The following SH3YL1 variants were observed in gnomAD, a reference collection of about 807,000 sequenced individuals.
SH3YL1 encodes the protein SH3 and SYLF domain containing 1.
Under a neutral mutation model 45.8 loss-of-function variants are expected in SH3YL1, and 41 were observed. That is an observed-to-expected ratio of 0.89 (90% CI 0.70 to 1.16). The LOEUF (loss-of-function observed/expected upper bound fraction) is 1.16. Ranked by LOEUF, SH3YL1 falls within the 50% of genes most tolerant of loss-of-function variation. The pLI is 0.00. For synonymous variants in SH3YL1, 152 were observed against 151.4 expected, an observed-to-expected ratio of 1.00 and a Z score of -0.03; for missense variants, 389 against 409.6, an observed-to-expected ratio of 0.95 and a Z score of 0.43.
intron 4 of SH3YL1, among the ~76,000 whole-genome samples, 162 bp downstream of exon 4, chr2:247,376 A>T (rs1668867012): frequency 6.6e-6 from 1 of 152,262 alleles, no homozygotes; most frequent in African/African-American, 2.4e-5. Flanking sequence ...GAACCATCAG[A>T]TAGCTTTAGT....
intron 2 of SH3YL1, among the ~76,000 whole-genome samples, chr2:252,261 G>A (rs889188665): frequency 2.6e-5 from 4 of 152,170 alleles, no homozygotes; most frequent in Admixed American, 6.5e-5. Flanking sequence ...GTCTTAAACC[G>A]CTAGAGAATG....
intron 1 of SH3YL1, chr2:262,263 A>C (rs1227279590): frequency 6.3e-6 from 1 of 159,944 alleles, no homozygotes; most frequent in African/African-American, 2.4e-5. Flanking sequence ...GTCAGTTCTC[A>C]AAATAAAAAC....
intron 4 of SH3YL1, among the ~76,000 whole-genome samples, chr2:244,293 G>A (rs1231740707): frequency 2.6e-5 from 4 of 151,818 alleles, no homozygotes; most frequent in Non-Finnish European, 1.5e-5. Flanking sequence ...TCAGGAGATC[G>A]AGACTATCCT....
At chr2:242,813 A>G (rs1445495263) in intron 4 of SH3YL1, 2 of 1,535,038 alleles carry the variant, frequency 1.3e-6, no homozygotes, top group Admixed American at 2.1e-5. Context: ...GATTGACAGT[A>G]AAAGGATGGA....
intron 1 of SH3YL1, chr2:261,051 T>A (rs915030170): frequency 6.6e-6 from 1 of 152,236 alleles, no homozygotes; most frequent in Non-Finnish European, 1.5e-5. Flanking sequence ...GTGTGTCAGC[T>A]GAACTACAGA....
chr2:233,345 G>C (rs920110439), intron 5 of SH3YL1, 116 bp from the exon 6 acceptor site: 20 of 1,154,684 alleles, frequency 1.7e-5, no homozygotes, highest in Non-Finnish European at 2.2e-5. Context: ...ACCTTCTTCA[G>C]CTGTTTCTAT....
chr2:218,841 A>T lies in SH3YL1; in HGVS notation c.999T>A (p.Ile333=). 6.2e-7 allele frequency: 1 copy of T among 1,613,912 alleles called. No homozygotes were observed. Among genetic ancestry groups the T allele is most frequent in the East Asian group, 2.2e-5 (1 of 44,874 alleles). Reference sequence around the variant, plus strand: ...TCATGGTTACGTAGTTGGCTGGAAAAATGCCAGTTTGACCTCGAAGTTTTC... The same window carrying T: ...TCATGGTTACGTAGTTGGCTGGAAATATGCCAGTTTGACCTCGAAGTTTTC... ...WEGKLRGQTG[I]FPANYVTMN Residue 333 remains isoleucine, a synonymous_variant, in exon 10 of 10, where the codon ATT becomes ATA. Coordinates refer to ENST00000356150, the MANE Select transcript of SH3YL1 (RefSeq NM_015677.4).
intron 1 of SH3YL1, among the ~76,000 whole-genome samples, chr2:254,071 G>T (rs2103053257): frequency 6.6e-6 from 1 of 151,848 alleles, no homozygotes; most frequent in East Asian, 1.9e-4. Context: ...TTTAAAATAA[G>T]AATTTAAAAT....
chr2:250,944 T>C (rs1478947247), intron 2 of SH3YL1, among the ~76,000 whole-genome samples: 2 of 152,222 alleles, frequency 1.3e-5, no homozygotes, highest in African/African-American at 2.4e-5. Flanking sequence ...TGTAACAAGA[T>C]TGAAAGCTGT....
chr2:228,695 C>T (rs180942956), intron 8 of SH3YL1, among the ~76,000 whole-genome samples: 7 of 152,248 alleles, frequency 4.6e-5, no homozygotes, highest in African/African-American at 9.6e-5. Context: ...CAGTGGACCA[C>T]GGCTTATCCC....
In SH3YL1 at chr2:253,106, G is replaced by A. The variant is rs948334521; in HGVS notation, c.11C>T (p.Pro4Leu). ...TTCTGATTTCAAATTGGAAGGTATA[G>A]GGTTATTCACTGAAACATAACAAAA... MNN[P>L]IPSNLKSEAK... The change falls in exon 2 of 10, where the codon CCT (proline) becomes CTT (leucine). Residue 4 changes from proline to leucine, a missense_variant. Physicochemically the swap from Pro to Leu is moderately conservative, Grantham distance 98. Coordinates refer to ENST00000356150, the MANE Select transcript of SH3YL1 (RefSeq NM_015677.4). 2 of 1,514,468 alleles carry A rather than the reference G, an allele frequency of 1.3e-6. No individual in the cohort carries two copies. Among genetic ancestry groups the A allele is most frequent in the African/African-American group, 1.4e-5 (1 of 71,916 alleles). The allele number at this position is 1,514,468 out of a possible 1,614,324, so 93.8% of individuals were successfully genotyped here. A position where few individuals can be genotyped will look rare whatever the true frequency, so the allele number is the denominator to read the frequency against.
chr2:235,035 C>T (rs765507610), intron 4 of SH3YL1, among the ~76,000 whole-genome samples: 2 of 152,120 alleles, frequency 1.3e-5, no homozygotes, highest in Non-Finnish European at 2.9e-5. Context: ...GTCACCATGT[C>T]CGGCTAATTT....
chr2:256,086 C>G (rs974629238), intron 1 of SH3YL1: 7 of 152,186 alleles, frequency 4.6e-5, no homozygotes, highest in African/African-American at 1.7e-4. Flanking sequence ...ACTCCTATAC[C>G]CAGCCCCTGC....
Position 231,197 on chromosome 2 carries a change from G to T in SH3YL1, c.534-6C>A. The T allele has an allele frequency of 6.3e-7, 1 of 1,587,074 alleles. No homozygotes were observed. On this transcript the variant is annotated splice_region_variant and splice_polypyrimidine_tract_variant and intron_variant, in intron 6 of 9. Transcript: ENST00000356150. ...GGATATCTTGACAATAAAATCTAAT[G>T]GGAAATATAAAATTAAAAACATTTT...
intron 4 of SH3YL1, chr2:244,857 GAAGCCAGGTCCA>G: frequency 6.6e-6 from 1 of 152,348 alleles, no homozygotes. Flanking sequence ...AGTTCCCAGA[GAAGCCAGGTCCA>G]AAGGGGATGC....
chr2:236,746 T>C (rs1668321319), intron 4 of SH3YL1, among the ~76,000 whole-genome samples: 1 of 152,224 alleles, frequency 6.6e-6, no homozygotes, highest in Admixed American at 6.5e-5. Flanking sequence ...ATCAAATCAA[T>C]GCTCTCAAGT....
In SH3YL1 at chr2:263,993, C is replaced by A; in HGVS notation, c.-9G>T. 1 of 1,459,016 alleles carries A rather than the reference C, an allele frequency of 6.9e-7. No homozygotes were observed. Among genetic ancestry groups the A allele is most frequent in the Non-Finnish European group, 9.1e-7 (1 of 1,100,228 alleles). The allele number at this position is 1,459,016 out of a possible 1,614,324, so 90.4% of individuals were successfully genotyped here. ...GTCCCCGGGTACTCACTGCTGCCCG[C>A]CCGGCCGCGGCGCCCCGTCCCGAGG... On this transcript the variant is annotated 5_prime_UTR_variant, in exon 1 of 10. Transcript: ENST00000356150.
At chr2:240,827 G>A (rs1042166157) in intron 4 of SH3YL1, 5 of 152,226 alleles carry the variant, frequency 3.3e-5, no homozygotes, top group African/African-American at 1.2e-4. Context: ...GACAACATTG[G>A]AGGCTTCACA....
In SH3YL1 at chr2:262,986, C is replaced by T. The variant is rs187972498; in HGVS notation, c.1+998G>A. Among the ~76,000 whole-genome samples the T allele has an allele frequency of 2.0e-5, 3 of 152,242 alleles. No individual in the cohort carries two copies. The East Asian group carries it at 5.8e-4, about 29-fold the overall frequency. ...GTTATCACTTTGATCATTTTAACCT[C>T]CAACATAGTAATTTGTAAACATCAG... is the stretch of plus-strand genomic sequence containing the variant. On this transcript the variant is annotated intron_variant, in intron 1 of 9. Transcript: ENST00000356150.
Sources: allele counts gnomAD v4.1 joint callset (sites outside exome capture counted in the v4.1 genomes callset), GRCh38; gene constraint gnomAD v4.1.1; transcripts MANE v1.5; gene names NCBI Gene and HGNC (gene_info 2026-07-23, HGNC 2026-07-21).